Variants in ZNF143 observed in about 807,000 individuals in gnomAD.
ZNF143 encodes SPH-binding factor.
In ZNF143, 49 loss-of-function variants were observed where a neutral mutation model predicts 74.1. The ratio of observed to expected loss-of-function variants is 0.66; its 90% CI spans 0.53 to 0.84. The LOEUF is 0.84. Among genes scored for constraint, ZNF143 ranks in the 40% least tolerant of loss-of-function variants. The probability of loss-of-function intolerance (pLI) is 0.00; values close to 1 mark genes in which losing one functional copy is unlikely to be tolerated. For synonymous variants in ZNF143, 304 were observed against 282.8 expected, an observed-to-expected ratio of 1.07 and a Z score of -0.75; for missense variants, 637 against 793.4, an observed-to-expected ratio of 0.80 and a Z score of 2.37.
intron 10 of ZNF143, among the ~76,000 whole-genome samples, chr11:9,498,024 G>A (rs887799354): frequency 6.6e-6 from 1 of 151,972 alleles, no homozygotes; most frequent in Admixed American, 6.6e-5. Context: ...TAGAGACGGG[G>A]TTTCACTGTG....
chr11:9,515,125 CA>C (rs201806023), intron 13 of ZNF143, among the ~76,000 whole-genome samples: 1 of 150,532 alleles, frequency 6.6e-6, no homozygotes, highest in Admixed American at 6.6e-5. Context: ...TGAAACTCCT[CA>C]AAAAAAAAGT....
In ZNF143 at chr11:9,516,356, G is replaced by T. The variant is rs1302353594; in HGVS notation, c.1680G>T (p.Gly560=). 1 of 1,611,014 alleles carries T rather than the reference G, an allele frequency of 6.2e-7. No individual in the cohort carries two copies. Among genetic ancestry groups the T allele is most frequent in the Admixed American group, 1.7e-5 (1 of 59,648 alleles). ...VAMVTAEGTE[G]EQVAIVAQDL... Reference sequence around the variant, plus strand: ...TGGTTACTGCTGAGGGTACAGAAGGGGAACAGGTAATTACTTTTTTCTGTT... The same window carrying T: ...TGGTTACTGCTGAGGGTACAGAAGGTGAACAGGTAATTACTTTTTTCTGTT... Residue 560 remains glycine, a synonymous_variant, in exon 14 of 16, where the codon GGG becomes GGT. Coordinates refer to ENST00000396602, the MANE Select transcript of ZNF143 (RefSeq NM_003442.6).
Position 9,511,523 on chromosome 11 carries a change from C to T in ZNF143, c.1376-925C>T, listed in dbSNP as rs1452190310. Among the ~76,000 whole-genome samples the T allele has an allele frequency of 3.3e-5, 5 of 150,550 alleles. No individual in the cohort carries two copies. The East Asian group carries it at 7.8e-4, about 24-fold the overall frequency. On this transcript the variant is annotated intron_variant, in intron 12 of 15. Coordinates refer to ENST00000396602, the MANE Select transcript of ZNF143 (RefSeq NM_003442.6). ...TTCACCGTGTTAGCCAGGATGGTCT[C>T]GATCTCCTGACCTCATGATCCGCCC...
chr11:9,462,402 A>G (rs949709328), intron 1 of ZNF143, among the ~76,000 whole-genome samples: 3 of 152,000 alleles, frequency 2.0e-5, no homozygotes, highest in African/African-American at 7.2e-5. Context: ...CCATGTTTCT[A>G]CAAAAAAAAT....
At chr11:9,496,757 C>T (rs116946463) in intron 9 of ZNF143, among the ~76,000 whole-genome samples, 15 of 151,886 alleles carry the variant, frequency 9.9e-5, no homozygotes, top group East Asian at 9.7e-4. Flanking sequence ...TCATCATGCC[C>T]GGCTCATATT....
intron 14 of ZNF143, among the ~76,000 whole-genome samples, chr11:9,520,025 A>ATTTTTTTTTTTTTTTTT (rs954404348): frequency 8.8e-5 from 8 of 91,382 alleles, no homozygotes; most frequent in African/African-American, 3.8e-4. Context: ...GTTTCCACCA[A>ATTTTTTTTTTTTTTTTT]TTTTTTTTTT....
At chr11:9,480,249 T>G (rs575990842) in intron 7 of ZNF143, among the ~76,000 whole-genome samples, 1 of 152,354 alleles carries the variant, frequency 6.6e-6, no homozygotes, top group Admixed American at 6.5e-5. Context: ...AAAACTTATG[T>G]TATTCAAGAA....
chr11:9,473,882 T>TATAC lies in ZNF143; in HGVS notation c.206-59_206-58insATAC. The TATAC allele has an allele frequency of 3.1e-6, 5 of 1,613,166 alleles. No homozygotes were observed. The Admixed American group carries it at 8.3e-5, about 27-fold the overall frequency. ...TTTATAGTTGATATCATTTTGAAATTGTATAAAGTTTAAAATTTTTGTTTG... is the reference window on the plus strand; with the variant it reads ...TTTATAGTTGATATCATTTTGAAATTATACGTATAAAGTTTAAAATTTTTGTTTG... On this transcript the variant is annotated intron_variant, in intron 3 of 15. Coordinates refer to ENST00000396602, the MANE Select transcript of ZNF143 (RefSeq NM_003442.6).
rs753632433 is a variant in ZNF143 at position 9,474,518 on chromosome 11, CAT to C, written c.290-31_290-30del. 10 of 1,609,350 alleles carry C rather than the reference CAT, an allele frequency of 6.2e-6. No homozygotes were observed. The highest frequency in any genetic ancestry group is 8.5e-6 in the Non-Finnish European group (10 of 1,175,886). ...GAGTTAATTGGAATGTGCTAGAAAACATGAGATCTAAATGTAAGCATTGTTCT... is the reference window on the plus strand; with the variant it reads ...GAGTTAATTGGAATGTGCTAGAAAACGAGATCTAAATGTAAGCATTGTTCT... On this transcript the variant is annotated intron_variant, in intron 4 of 15. Transcript: ENST00000396602.
chr11:9,515,667 A>G (rs1003787471), intron 13 of ZNF143, among the ~76,000 whole-genome samples: 5 of 149,328 alleles, frequency 3.3e-5, no homozygotes, highest in African/African-American at 1.2e-4. Flanking sequence ...AAAAAAAAAA[A>G]AGAAAAAGAA....
chr11:9,489,168 C>T (rs972594), intron 7 of ZNF143, among the ~76,000 whole-genome samples: 93,711 of 151,974 alleles, frequency 0.62, 29,411 homozygotes, highest in Non-Finnish European at 0.68. Context: ...GGTATTCATC[C>T]TACTGTACTT....
At chr11:9,461,542 G>C (rs961693128) in intron 1 of ZNF143, 1 of 152,224 alleles carries the variant, frequency 6.6e-6, no homozygotes, top group Non-Finnish European at 1.5e-5. Flanking sequence ...GCCGGGGACA[G>C]GGCTGGCCCA....
intron 7 of ZNF143, among the ~76,000 whole-genome samples, chr11:9,491,149 G>C (rs1460695048): frequency 1.3e-5 from 2 of 152,208 alleles, no homozygotes; most frequent in Non-Finnish European, 2.9e-5. Context: ...TATTCAGGAA[G>C]CTGAGACGGA....
intron 14 of ZNF143, among the ~76,000 whole-genome samples, chr11:9,519,345 C>T (rs1231507956): frequency 2.0e-5 from 3 of 152,024 alleles, no homozygotes; most frequent in Non-Finnish European, 2.9e-5. Context: ...GGGGTTTTAG[C>T]ATGTTGGCCA....
intron 7 of ZNF143, among the ~76,000 whole-genome samples, chr11:9,484,092 T>C (rs1057465195): frequency 6.6e-6 from 1 of 151,604 alleles, no homozygotes. Flanking sequence ...TGTGACTTAT[T>C]ATATTTCTCT....
intron 14 of ZNF143, among the ~76,000 whole-genome samples, chr11:9,521,443 T>C (rs1222048600): frequency 6.6e-6 from 1 of 152,180 alleles, no homozygotes; most frequent in African/African-American, 2.4e-5. Flanking sequence ...AGTTGGGAAG[T>C]GTTCTCTTCT....
chr11:9,497,845 T>TTTTTTG, intron 10 of ZNF143, 45 bp downstream of exon 10: 2 of 1,423,074 alleles, frequency 1.4e-6, no homozygotes, highest in Non-Finnish European at 1.9e-6. Flanking sequence ...TTTTTTTTTT[T>TTTTTTG]TTTGAGACGG....
intron 1 of ZNF143, among the ~76,000 whole-genome samples, chr11:9,466,606 C>T (rs539503655): frequency 1.3e-5 from 2 of 151,118 alleles, no homozygotes; most frequent in East Asian, 2.0e-4. Flanking sequence ...TAATTTTTTC[C>T]TTTTTTTTAT....
intron 5 of ZNF143, 83 bp from the exon 6 acceptor site, chr11:9,478,307 G>T (rs1490935168): frequency 4.9e-6 from 7 of 1,432,324 alleles, no homozygotes; most frequent in Admixed American, 1.8e-5. Context: ...CTCAATAAAA[G>T]CTCATTTCTC....
Sources: gnomAD v4.1 joint callset for allele counts (sites outside exome capture counted in the v4.1 genomes callset) on GRCh38, gnomAD v4.1.1 for gene constraint, MANE v1.5 for transcripts, NCBI Gene and HGNC (gene_info 2026-07-23, HGNC 2026-07-21) for gene names.